The following VAT1L variants were observed in gnomAD, a reference collection of about 807,000 sequenced individuals.
The protein encoded by VAT1L is vesicle amine transport 1 like.
A neutral mutation model predicts 44.1 loss-of-function variants in VAT1L; 34 were observed. The observed-to-expected ratio is 0.77, with a 90% CI of 0.59 to 1.03. The LOEUF (loss-of-function observed/expected upper bound fraction) is 1.03. VAT1L is among the 50% of genes least tolerant of loss of function. The probability of loss-of-function intolerance (pLI) is 0.00; values close to 1 mark genes in which losing one functional copy is unlikely to be tolerated. For missense variants in VAT1L, 615 were observed against 538.8 expected (o/e 1.14, Z -1.40); for synonymous variants, 253 against 202.2 (o/e 1.25, Z -2.13).
At chr16:77,868,734 T>C (rs910746598) in intron 4 of VAT1L, among the ~76,000 whole-genome samples, 3 of 151,972 alleles carry the variant, frequency 2.0e-5, no homozygotes, top group African/African-American at 7.3e-5. Context: ...TTTTGTGAGG[T>C]GCTTGGATGG....
chr16:77,910,673 C>CAAAAAAAAAAAAAAAAAAAAA (rs3038773), intron 7 of VAT1L, among the ~76,000 whole-genome samples: 1 of 82,968 alleles, frequency 1.2e-5, no homozygotes, highest in African/African-American at 4.7e-5. Context: ...GACTCCTTCT[C>CAAAAAAAAAAAAAAAAAAAAA]AAAAAAAAAA....
At chr16:77,828,665 AAAAAATAAAAAAAT>A (rs1345082315) in intron 3 of VAT1L, among the ~76,000 whole-genome samples, 2 of 151,998 alleles carry the variant, frequency 1.3e-5, no homozygotes, top group Non-Finnish European at 2.9e-5. Context: ...CTCCATCTCA[AAAAAATAAAAAAAT>A]AAAAATAAAA....
intron 7 of VAT1L, among the ~76,000 whole-genome samples, chr16:77,954,851 G>C (rs2018084779): frequency 6.6e-6 from 1 of 152,192 alleles, no homozygotes; most frequent in Non-Finnish European, 1.5e-5. Flanking sequence ...CTCAATAAAA[G>C]AGGCCTAGGG....
chr16:77,966,605 A>G (rs1195263642), intron 7 of VAT1L, among the ~76,000 whole-genome samples: 1 of 152,216 alleles, frequency 6.6e-6, no homozygotes, highest in Non-Finnish European at 1.5e-5. Flanking sequence ...TGTTCAGCAG[A>G]ATTATGTGAG....
intron 3 of VAT1L, among the ~76,000 whole-genome samples, chr16:77,832,873 C>T (rs796980849): frequency 2.0e-5 from 3 of 152,178 alleles, no homozygotes; most frequent in African/African-American, 7.2e-5. Flanking sequence ...CAGCATGGAG[C>T]AAGTGACGAT....
At chr16:77,942,168 G>A (rs2017893434) in intron 7 of VAT1L, among the ~76,000 whole-genome samples, 1 of 152,144 alleles carries the variant, frequency 6.6e-6, no homozygotes, top group Admixed American at 6.6e-5. Context: ...CCATGTGGCT[G>A]GGGAGGTCTC....
intron 8 of VAT1L, among the ~76,000 whole-genome samples, chr16:77,977,129 T>C (rs1464321936): frequency 6.6e-6 from 1 of 152,072 alleles, no homozygotes; most frequent in Non-Finnish European, 1.5e-5. Context: ...ATGCTTGAGT[T>C]TTGCACAGAA....
At chr16:77,962,587 T>C (rs1394447011) in intron 7 of VAT1L, among the ~76,000 whole-genome samples, 2 of 145,302 alleles carry the variant, frequency 1.4e-5, no homozygotes, top group Non-Finnish European at 3.0e-5. Flanking sequence ...TATAATCCTA[T>C]AAGGAAAGAA....
intron 7 of VAT1L, among the ~76,000 whole-genome samples, chr16:77,954,349 G>A (rs1033567559): frequency 2.0e-5 from 3 of 152,174 alleles, no homozygotes; most frequent in Non-Finnish European, 4.4e-5. Flanking sequence ...ATGTCAGGCC[G>A]GGCGCGGTGG....
intron 7 of VAT1L, among the ~76,000 whole-genome samples, chr16:77,948,529 C>CT (rs2017999466): frequency 6.6e-6 from 1 of 152,102 alleles, no homozygotes; most frequent in South Asian, 2.1e-4. Context: ...ATTTTGTAAA[C>CT]TTTTTGGAAA....
At chr16:77,960,032 T>C (rs141675813) in intron 7 of VAT1L, among the ~76,000 whole-genome samples, 1 of 152,172 alleles carries the variant, frequency 6.6e-6, no homozygotes, top group African/African-American at 2.4e-5. Flanking sequence ...CTCTAAATCC[T>C]AGCTCAATTA....
At chr16:77,951,853 A>AAAC (rs36004052) in intron 7 of VAT1L, among the ~76,000 whole-genome samples, 10 of 149,076 alleles carry the variant, frequency 6.7e-5, no homozygotes, top group African/African-American at 2.2e-4. Context: ...AAAAAAAAAA[A>AAAC]CACGAAAAAA....
intron 3 of VAT1L, among the ~76,000 whole-genome samples, chr16:77,858,338 G>A (rs1347061366): frequency 2.0e-5 from 3 of 152,222 alleles, no homozygotes; most frequent in African/African-American, 7.2e-5. Flanking sequence ...GGGAAAGCAT[G>A]TGGGGAAACT....
intron 7 of VAT1L, among the ~76,000 whole-genome samples, chr16:77,952,164 T>C (rs1000100721): frequency 6.6e-6 from 1 of 152,176 alleles, no homozygotes. Context: ...CATTCCTGGG[T>C]TGTAGAAGAT....
At chr16:77,904,216 T>C (rs1237846386) in intron 7 of VAT1L, among the ~76,000 whole-genome samples, 1 of 151,712 alleles carries the variant, frequency 6.6e-6, no homozygotes, top group Non-Finnish European at 1.5e-5. Context: ...AAAGGCACCA[T>C]TGGTGTATCC....
At chr16:77,815,530 C>A (rs2016335101) in intron 1 of VAT1L, among the ~76,000 whole-genome samples, 1 of 152,172 alleles carries the variant, frequency 6.6e-6, no homozygotes, top group African/African-American at 2.4e-5. Context: ...GTTTTGAGCC[C>A]AGACTTCAAG....
chr16:77,821,724 A>C (rs1340205339), intron 2 of VAT1L, among the ~76,000 whole-genome samples: 1 of 151,984 alleles, frequency 6.6e-6, no homozygotes, highest in Non-Finnish European at 1.5e-5. Context: ...ATAAGAATTA[A>C]ATGCAGTAAT....
intron 7 of VAT1L, among the ~76,000 whole-genome samples, chr16:77,925,449 T>C (rs888635200): frequency 2.0e-5 from 3 of 152,178 alleles, no homozygotes; most frequent in Admixed American, 2.0e-4. Context: ...TACCCCTTAG[T>C]GGAAAGGGTT....
chr16:77,799,713 C>A (rs532539803), intron 1 of VAT1L, among the ~76,000 whole-genome samples: 9 of 152,200 alleles, frequency 5.9e-5, no homozygotes, highest in African/African-American at 2.2e-4. Flanking sequence ...AGTGAAGAAT[C>A]GGAGGGGAAC....
Sources: allele counts gnomAD v4.1 joint callset (sites outside exome capture counted in the v4.1 genomes callset), GRCh38; gene constraint gnomAD v4.1.1; transcripts MANE v1.5; gene names NCBI Gene and HGNC (gene_info 2026-07-23, HGNC 2026-07-21).